The following B4GALT5 variants were observed in gnomAD, a reference collection of about 807,000 sequenced individuals.
B4GALT5 encodes the protein UDP-Gal:beta-GlcNAc beta-1,4-galactosyltransferase 5.
B4GALT5 carries 11 observed loss-of-function variants against 45.0 expected under a neutral mutation model. The ratio of observed to expected loss-of-function variants is 0.24; its 90% CI spans 0.15 to 0.40. B4GALT5 has a LOEUF of 0.40. Among genes scored for constraint, B4GALT5 ranks in the 10% least tolerant of loss-of-function variants. The probability of loss-of-function intolerance (pLI) is 1.00; values close to 1 mark genes in which losing one functional copy is unlikely to be tolerated. For synonymous variants in B4GALT5, 185 were observed against 182.9 expected (o/e 1.01, Z -0.09); for missense variants, 337 against 500.2 (o/e 0.67, Z 3.11).
At chr20:49,664,257 C>T (rs1244579821) in intron 1 of B4GALT5, among the ~76,000 whole-genome samples, 1 of 152,064 alleles carries the variant, frequency 6.6e-6, no homozygotes, top group Non-Finnish European at 1.5e-5. Flanking sequence ...CTCACTCTGT[C>T]ACCCAGGTTG....
chr20:49,682,529 G>A (rs2085768285), intron 1 of B4GALT5, among the ~76,000 whole-genome samples: 1 of 152,156 alleles, frequency 6.6e-6, no homozygotes, highest in South Asian at 2.1e-4. Context: ...CCCAACCACT[G>A]TCTTGGCAGC....
At chr20:49,691,150 G>A (rs760492210) in intron 1 of B4GALT5, among the ~76,000 whole-genome samples, 5 of 152,262 alleles carry the variant, frequency 3.3e-5, no homozygotes, top group South Asian at 4.1e-4. Context: ...AGCTATAGAT[G>A]GGAAAAATGA....
At chr20:49,705,809 A>T (rs1207017412) in intron 1 of B4GALT5, among the ~76,000 whole-genome samples, 2 of 152,110 alleles carry the variant, frequency 1.3e-5, no homozygotes, top group African/African-American at 4.8e-5. Context: ...GTTATTGGTA[A>T]AGTCAGACAG....
rs116790440 is a variant in B4GALT5, at chr20:49,710,836, C to T, written c.115+2740G>A. 3.4e-3 allele frequency among the ~76,000 whole-genome samples: 511 copies of T among 152,160 alleles called. 1 individual carries two copies. Among genetic ancestry groups the T allele is most frequent in the African/African-American group, 0.011 (474 of 41,504 alleles). Reference sequence around the variant, plus strand: ...TTGCCTTAACCTTGAAAAAATTTGCCGCCCCACTGTCCAAAGCTAGACATT... The same window carrying T: ...TTGCCTTAACCTTGAAAAAATTTGCTGCCCCACTGTCCAAAGCTAGACATT... On this transcript the variant is annotated intron_variant, in intron 1 of 8. Coordinates refer to ENST00000371711, the MANE Select transcript of B4GALT5 (RefSeq NM_004776.4).
chr20:49,688,078 A>ACATG, intron 1 of B4GALT5, among the ~76,000 whole-genome samples: 1 of 152,172 alleles, frequency 6.6e-6, no homozygotes. Flanking sequence ...CAGCCTGGGA[A>ACATG]CATGACCAGA....
At chr20:49,670,882 G>A (rs527990914) in intron 1 of B4GALT5, among the ~76,000 whole-genome samples, 220 of 152,136 alleles carry the variant, frequency 1.4e-3, no homozygotes, top group African/African-American at 5.1e-3. Context: ...CCTACTTTCA[G>A]GTATTCATCC....
intron 1 of B4GALT5, among the ~76,000 whole-genome samples, chr20:49,708,649 A>G (rs959990094): frequency 5.9e-5 from 9 of 152,178 alleles, no homozygotes; most frequent in Non-Finnish European, 1.3e-4. Flanking sequence ...CAGAATTTCA[A>G]TTAATAAAAT....
intron 7 of B4GALT5, 55 bp from the exon 8 acceptor site, chr20:49,637,497 G>A: frequency 1.5e-6 from 2 of 1,313,476 alleles, no homozygotes; most frequent in Non-Finnish European, 2.2e-6. Flanking sequence ...GCCCAGGAGT[G>A]ACCAAAGCCT....
chr20:49,701,094 C>T (rs2085859695), intron 1 of B4GALT5, among the ~76,000 whole-genome samples: 1 of 152,158 alleles, frequency 6.6e-6, no homozygotes, highest in Admixed American at 6.5e-5. Flanking sequence ...AACAGTGATA[C>T]ACTGTCTGCT....
At chr20:49,704,715 T>C (rs1399652804) in intron 1 of B4GALT5, among the ~76,000 whole-genome samples, 6 of 147,496 alleles carry the variant, frequency 4.1e-5, no homozygotes, top group Non-Finnish European at 7.4e-5. Context: ...CAAGACTCTG[T>C]CTCAAAAAAA....
intron 1 of B4GALT5, among the ~76,000 whole-genome samples, chr20:49,681,216 TAAAAAAAAAAAA>T (rs10628956): frequency 4.1e-5 from 3 of 72,462 alleles, no homozygotes; most frequent in Non-Finnish European, 7.3e-5. Flanking sequence ...ACCCCATCTC[TAAAAAAAAAAAA>T]AAAAAAAAAA....
chr20:49,685,439 C>G (rs1014744141), intron 1 of B4GALT5, among the ~76,000 whole-genome samples: 1 of 152,132 alleles, frequency 6.6e-6, no homozygotes, highest in African/African-American at 2.4e-5. Context: ...GACAGCCCAG[C>G]CTTTGAAAGC....
intron 1 of B4GALT5, among the ~76,000 whole-genome samples, chr20:49,713,094 A>T (rs1195517711): frequency 1.4e-5 from 2 of 145,850 alleles, no homozygotes; most frequent in Non-Finnish European, 3.0e-5. Flanking sequence ...GATGGATGGG[A>T]GCTAGAAGGT....
At chr20:49,671,763 A>C (rs1203992381) in intron 1 of B4GALT5, among the ~76,000 whole-genome samples, 23 of 152,230 alleles carry the variant, frequency 1.5e-4, no homozygotes, top group Admixed American at 1.5e-3. Context: ...AAAGTTTCCA[A>C]AGTTACTGAG....
chr20:49,655,961 G>A (rs560209745), intron 2 of B4GALT5, among the ~76,000 whole-genome samples: 1 of 150,892 alleles, frequency 6.6e-6, no homozygotes, highest in South Asian at 2.1e-4. Context: ...TAGTCATCCA[G>A]TCACTCTTAA....
At chr20:49,700,388 T>C (rs776202114) in intron 1 of B4GALT5, among the ~76,000 whole-genome samples, 49 of 152,336 alleles carry the variant, frequency 3.2e-4, no homozygotes, top group South Asian at 2.1e-3. Flanking sequence ...CATGGCTCAC[T>C]GCTGCCTCAA....
chr20:49,676,087 A>C (rs1390649644), intron 1 of B4GALT5, among the ~76,000 whole-genome samples: 1 of 151,092 alleles, frequency 6.6e-6, no homozygotes, highest in African/African-American at 2.4e-5. Context: ...CTACTCATAA[A>C]GTGACTCAGT....
At chr20:49,660,659 A>G (rs2085661367) in intron 1 of B4GALT5, among the ~76,000 whole-genome samples, 1 of 152,154 alleles carries the variant, frequency 6.6e-6, no homozygotes, top group Non-Finnish European at 1.5e-5. Context: ...TATACAAATC[A>G]AACTGTAGGA....
intron 1 of B4GALT5, among the ~76,000 whole-genome samples, chr20:49,694,181 T>C (rs1161048639): frequency 6.6e-6 from 1 of 152,186 alleles, no homozygotes; most frequent in Non-Finnish European, 1.5e-5. Flanking sequence ...AGTATGTTCC[T>C]CATACTTCAA....
Sources: allele counts gnomAD v4.1 joint callset (sites outside exome capture counted in the v4.1 genomes callset), GRCh38; gene constraint gnomAD v4.1.1; transcripts MANE v1.5; gene names NCBI Gene and HGNC (gene_info 2026-07-23, HGNC 2026-07-21).